FSIP2: variants seen among roughly 807,000 people sequenced by gnomAD.
FSIP2 encodes the protein fibrous sheath-interacting protein 2.
FSIP2 carries 367 observed loss-of-function variants against 510.5 expected under a neutral mutation model. That is an observed-to-expected ratio of 0.72 (90% CI 0.66 to 0.78). The LOEUF (loss-of-function observed/expected upper bound fraction) is 0.78, where lower values mean the gene tolerates loss of function less well. Ranked by LOEUF, FSIP2 falls within the 30% of genes least tolerant of loss-of-function variation. The pLI, the probability that FSIP2 is intolerant of heterozygous loss-of-function variation, is 0.00. For missense variants in FSIP2, 7,594 were observed against 7,901.7 expected (o/e 0.96, Z 1.48); for synonymous variants, 2,601 against 2,732.2 (o/e 0.95, Z 1.50).
In FSIP2 at chr2:185,793,561, T is replaced by C; in HGVS notation, c.6425T>C (p.Ile2142Thr). ...TTCATGGAGGGTGCAAATAAGATTATTCCTAAGCTTTCAGTTCCTAAATCA... is the reference window on the plus strand; with the variant it reads ...TTCATGGAGGGTGCAAATAAGATTACTCCTAAGCTTTCAGTTCCTAAATCA... ...EMFMEGANKI[I>T]PKLSVPKSDV... The change falls in exon 16 of 23, where the codon ATT becomes ACT. Residue 2142 changes from isoleucine (I) to threonine (T), a missense_variant. Transcript: ENST00000424728. 2 of 1,534,262 alleles carry C rather than the reference T, an allele frequency of 1.3e-6. No homozygotes were observed. Among genetic ancestry groups the C allele is most frequent in the South Asian group, 2.4e-5 (2 of 84,018 alleles).
chr2:185,774,374 C>T (rs1431756809), intron 13 of FSIP2, among the ~76,000 whole-genome samples: 2 of 152,114 alleles, frequency 1.3e-5, no homozygotes, highest in East Asian at 1.9e-4. Flanking sequence ...TATGTTATTG[C>T]CTGGAAAGTG....
rs1574193713 is a variant in FSIP2, at chr2:185,801,885, A to T, written c.12579A>T (p.Lys4193Asn). 5 of 1,492,886 alleles carry T rather than the reference A, an allele frequency of 3.3e-6. No homozygotes were observed. Among genetic ancestry groups the T allele is most frequent in the Non-Finnish European group, 4.5e-6 (5 of 1,120,998 alleles). 92.5% of individuals were successfully genotyped at this position (1,492,886 alleles called of 1,614,324 possible). Residue 4193 changes from lysine (K) to asparagine (N), a missense_variant, in exon 17 of 23, where the codon AAA becomes AAT. Physicochemically the swap from Lys to Asn is moderately conservative, Grantham distance 94 (BLOSUM62 0). Coordinates refer to ENST00000424728, the MANE Select transcript of FSIP2 (RefSeq NM_173651.4). ...NKVMSAISKH[K>N]IWFTIYDNQY... The stretch of plus-strand genomic sequence containing the variant: ...TTATGTCAGCCATTTCAAAACATAA[A>T]ATCTGGTTCACTATATATGATAATC...
At chr2:185,756,092 T>C (rs938180528) in intron 8 of FSIP2, 100 bp from the exon 9 acceptor site, 3 of 429,502 alleles carry the variant, frequency 7.0e-6, no homozygotes, top group African/African-American at 4.0e-5. Context: ...GATTAGCATA[T>C]AGTTCAGCTC....
chr2:185,778,302 A>G (rs1238833468), intron 13 of FSIP2, among the ~76,000 whole-genome samples: 1 of 152,022 alleles, frequency 6.6e-6, no homozygotes, highest in Non-Finnish European at 1.5e-5. Context: ...ACTATAAAAT[A>G]AGTATAATAG....
At chr2:185,750,349 A>T (rs1300139392) in intron 7 of FSIP2, among the ~76,000 whole-genome samples, 1 of 151,630 alleles carries the variant, frequency 6.6e-6, no homozygotes, top group Non-Finnish European at 1.5e-5. Context: ...AAAAGTTTTG[A>T]TAGTGTATTC....
chr2:185,789,714 C>A lies in FSIP2; in HGVS notation c.2578C>A (p.Pro860Thr). The A allele has an allele frequency of 6.5e-7, 1 of 1,534,102 alleles. No individual in the cohort carries two copies. The change falls in exon 16 of 23, where the codon CCA (proline) becomes ACA (threonine). Residue 860 changes from proline (P) to threonine (T), a missense_variant. Physicochemically the swap from Pro to Thr is conservative, Grantham distance 38. Coordinates refer to ENST00000424728, the MANE Select transcript of FSIP2 (RefSeq NM_173651.4). Reference protein sequence around the residue: ...KLSCQQHKTDPICMFLQRAGK... With the variant: ...KLSCQQHKTDTICMFLQRAGK... ...TTCCTGCCAGCAACATAAGACAGAC[C>A]CAATATGTATGTTCCTTCAAAGAGC... is the stretch of plus-strand genomic sequence containing the variant.
At chr2:185,740,051 T>C (rs1307971829) in intron 2 of FSIP2, among the ~76,000 whole-genome samples, 2 of 152,252 alleles carry the variant, frequency 1.3e-5, no homozygotes, top group African/African-American at 2.4e-5. Context: ...AGCCTTTCCA[T>C]CCAGCATTGT....
At chr2:185,763,383 C>A in intron 12 of FSIP2, 94 bp downstream of exon 12, 1 of 667,894 alleles carries the variant, frequency 1.5e-6, no homozygotes, top group Non-Finnish European at 2.7e-6. Flanking sequence ...ATTTATGTAA[C>A]CATACAAAAC....
At position 185,789,127 on chromosome 2, in the gene FSIP2, C is replaced by T; in HGVS notation, c.1991C>T (p.Thr664Ile). 6.5e-7 allele frequency: 1 copy of T among 1,534,996 alleles called. No individual in the cohort carries two copies. Among genetic ancestry groups the T allele is most frequent in the Non-Finnish European group, 8.7e-7 (1 of 1,146,012 alleles). ...GGCACAAAAAAATCTAAGGATGCTA[C>T]CACTGAAACAGATAGCTTAGGGAGT... ...ETGTKKSKDA[T>I]TETDSLGSSL... Residue 664 changes from threonine to isoleucine, a missense_variant, in exon 16 of 23, where the codon ACC (threonine) becomes ATC (isoleucine). Transcript: ENST00000424728.
chr2:185,738,626 A>G (rs1285163789), upstream of FSIP2: 2 of 1,535,870 alleles, frequency 1.3e-6, no homozygotes, highest in Non-Finnish European at 1.7e-6. Context: ...TTTCAGAGAA[A>G]GATGAAGTTT....
At chr2:185,826,012 T>C (rs1382947359) in intron 20 of FSIP2, among the ~76,000 whole-genome samples, 3 of 151,876 alleles carry the variant, frequency 2.0e-5, no homozygotes, top group Admixed American at 6.6e-5. Context: ...ACACGAATAC[T>C]TACCATTGTG....
chr2:185,786,997 C>T (rs567347720), intron 15 of FSIP2, among the ~76,000 whole-genome samples: 2 of 151,704 alleles, frequency 1.3e-5, no homozygotes, highest in South Asian at 2.1e-4. Context: ...GAAATATATC[C>T]CTCTTTTATA....
intron 7 of FSIP2, 41 bp from the exon 8 acceptor site, chr2:185,753,681 G>T: frequency 1.2e-6 from 1 of 828,724 alleles, no homozygotes; most frequent in South Asian, 2.2e-5. Context: ...TTTCTAAATG[G>T]CAAGTTAATA....
rs1693320710 is a variant in FSIP2 at position 185,797,493 on chromosome 2, G to C, written c.10357G>C (p.Val3453Leu). 1.3e-6 allele frequency: 2 copies of C among 1,505,696 alleles called. No homozygotes were observed. Among genetic ancestry groups the C allele is most frequent in the Non-Finnish European group, 1.8e-6 (2 of 1,138,546 alleles). 93.3% of individuals were successfully genotyped at this position (1,505,696 alleles called of 1,614,324 possible). A position where few individuals can be genotyped will look rare whatever the true frequency, so the allele number is the denominator to read the frequency against. Residue 3453 changes from valine (V) to leucine (L), a missense_variant, in exon 16 of 23, where the codon GTG (valine) becomes CTG (leucine). By Grantham distance (32) the Val-to-Leu change is conservative. Coordinates refer to ENST00000424728, the MANE Select transcript of FSIP2 (RefSeq NM_173651.4). ...GATAGCAAGACATGTCACCACATCTGTGGTCACATATTTGAAGAACTTTGA... is the reference window on the plus strand; with the variant it reads ...GATAGCAAGACATGTCACCACATCTCTGGTCACATATTTGAAGAACTTTGA... ...HLIARHVTTS[V>L]VTYLKNFETT...
Position 185,789,855 on chromosome 2 carries a change from G to A in FSIP2, c.2719G>A (p.Glu907Lys), listed in dbSNP as rs1264518925. The A allele has an allele frequency of 1.4e-5, 21 of 1,530,522 alleles. No individual in the cohort carries two copies. Among genetic ancestry groups the A allele is most frequent in the Non-Finnish European group, 1.8e-5 (20 of 1,142,754 alleles). The allele number at this position is 1,530,522 out of a possible 1,614,324, so 94.8% of individuals were successfully genotyped here. Residue 907 changes from glutamate to lysine, a missense_variant, in exon 16 of 23, where the codon GAA (glutamate) becomes AAA (lysine). Glu to Lys is a moderately conservative substitution (Grantham distance 56). Coordinates refer to ENST00000424728, the MANE Select transcript of FSIP2 (RefSeq NM_173651.4). ...GTCTTCTTTGGTTGCTTATATAGAG[G>A]AAGCAATCAATGCTATACTAGGTTA... ...SQSSLVAYIE[E>K]AINAILGYIQ...
intron 18 of FSIP2, 115 bp from the exon 19 acceptor site, chr2:185,815,256 T>G: frequency 1.6e-6 from 1 of 609,820 alleles, no homozygotes; most frequent in Non-Finnish European, 2.9e-6. Context: ...ATCTTTTAAC[T>G]AATCTCTGGA....
chr2:185,791,676 G>C lies in FSIP2; in HGVS notation c.4540G>C (p.Glu1514Gln). Residue 1514 changes from glutamate (E) to glutamine (Q), a missense_variant, in exon 16 of 23, where the codon GAG becomes CAG. Glu to Gln is a conservative substitution (Grantham distance 29). Coordinates refer to ENST00000424728, the MANE Select transcript of FSIP2 (RefSeq NM_173651.4). ...AAGTTGTGGATTAAAAGCTATCTCA[G>C]AGTCTCTTGACATTGACAACCCATC... ...FASCGLKAIS[E>Q]SLDIDNPSFA... 2.0e-6 allele frequency: 3 copies of C among 1,534,202 alleles called. No individual in the cohort carries two copies. The highest frequency in any genetic ancestry group is 8.7e-7 in the Non-Finnish European group (1 of 1,145,570).
In FSIP2 at chr2:185,796,213, AC is replaced by A. The variant is rs1693272593; in HGVS notation, c.9079del (p.Leu3027PhefsTer9). 1 of 1,529,096 alleles carries A rather than the reference AC, an allele frequency of 6.5e-7. No individual in the cohort carries two copies. The highest frequency in any genetic ancestry group is 8.7e-7 in the Non-Finnish European group (1 of 1,144,596). 94.7% of individuals were successfully genotyped at this position (1,529,096 alleles called of 1,614,324 possible). On this transcript the variant is annotated frameshift_variant, in exon 16 of 23. Transcript: ENST00000424728. LOFTEE classifies it high-confidence loss of function. ...GAAATTGTGAAAATGCCTATAGAAA[AC>A]CTTTCTTCTATCCAACAGAAACTGT... ...FSEIVKMPIE[N>X]LSSIQQKLLN... is the part of the protein sequence containing the mutation.
chr2:185,818,070 C>T (rs985608272), intron 19 of FSIP2, among the ~76,000 whole-genome samples: 1 of 151,908 alleles, frequency 6.6e-6, no homozygotes, highest in Non-Finnish European at 1.5e-5. Context: ...TTGATAATCA[C>T]ACTTGCATGC....
Sources: gnomAD v4.1 joint callset for allele counts (sites outside exome capture counted in the v4.1 genomes callset) on GRCh38, gnomAD v4.1.1 for gene constraint, MANE v1.5 for transcripts, NCBI Gene and HGNC (gene_info 2026-07-23, HGNC 2026-07-21) for gene names.